LCMT1: variants seen among roughly 807,000 people sequenced by gnomAD.
The protein encoded by LCMT1 is leucine carboxyl methyltransferase 1.
LCMT1 carries 32 observed loss-of-function variants against 47.7 expected under a neutral mutation model. The observed-to-expected ratio is 0.67, with a 90% CI of 0.51 to 0.90. The LOEUF (loss-of-function observed/expected upper bound fraction) is 0.90. Ranked by LOEUF, LCMT1 falls within the 40% of genes least tolerant of loss-of-function variation. LCMT1 has a pLI of 0.00. For missense variants in LCMT1, 375 were observed against 415.2 expected (o/e 0.90, Z 0.84); for synonymous variants, 152 against 149.7 (o/e 1.02, Z -0.11).
chr16:25,118,502 T>G (rs1959869035), intron 1 of LCMT1, among the ~76,000 whole-genome samples: 1 of 152,082 alleles, frequency 6.6e-6, no homozygotes, highest in Non-Finnish European at 1.5e-5. Flanking sequence ...AGGATGCAGC[T>G]CTTATGGAGC....
intron 4 of LCMT1, among the ~76,000 whole-genome samples, chr16:25,151,012 G>T (rs934274528): frequency 7.2e-5 from 11 of 152,166 alleles, no homozygotes; most frequent in Non-Finnish European, 1.6e-4. Context: ...CAGAAAGTGT[G>T]TTGGTGTTTG....
At chr16:25,137,496 G>A (rs920533386) in intron 3 of LCMT1, among the ~76,000 whole-genome samples, 2 of 152,060 alleles carry the variant, frequency 1.3e-5, no homozygotes, top group East Asian at 1.9e-4. Context: ...CCAGGCTGGA[G>A]TGCAGTGATA....
At position 25,140,511 on chromosome 16, in the gene LCMT1, G is replaced by C. The variant is rs147636258; in HGVS notation, c.404+264G>C. ...AACACGAGGCCAACCAAATCTCCCA[G>C]ACAAGGTTTTTGTTTTTGGGGCTTG... On this transcript the variant is annotated intron_variant, in intron 4 of 10. Transcript: ENST00000399069. 3.4e-3 allele frequency: 1,520 copies of C among 445,086 alleles called. 6 individuals carry two copies. Among genetic ancestry groups the C allele is most frequent in the Non-Finnish European group, 3.7e-3 (917 of 247,658 alleles). The allele number at this position is 445,086 out of a possible 1,614,324, so 27.6% of individuals were successfully genotyped here. A position where few individuals can be genotyped will look rare whatever the true frequency, so the allele number is the denominator to read the frequency against.
intron 2 of LCMT1, 102 bp from the exon 3 acceptor site, chr16:25,132,300 C>T (rs559383490): frequency 1.2e-4 from 166 of 1,373,094 alleles, no homozygotes; most frequent in Middle Eastern, 1.9e-4. Context: ...TGCAGAAGGG[C>T]GCATGCTCTC....
At position 25,169,107 on chromosome 16, in the gene LCMT1, C is replaced by T; in HGVS notation, c.691-5C>T. On this transcript the variant is annotated splice_region_variant and splice_polypyrimidine_tract_variant and intron_variant, in intron 7 of 10. Transcript: ENST00000399069. ...GTAATATCTTACCTTCTCTTTCCCTCCTAGGTGAACATGGGTGATCGGTTT... is the reference window on the plus strand; with the variant it reads ...GTAATATCTTACCTTCTCTTTCCCTTCTAGGTGAACATGGGTGATCGGTTT... 3.1e-6 allele frequency: 5 copies of T among 1,602,558 alleles called. No individual in the cohort carries two copies. Among genetic ancestry groups the T allele is most frequent in the Non-Finnish European group, 2.6e-6 (3 of 1,170,078 alleles).
At chr16:25,149,168 T>G (rs1389739185) in intron 4 of LCMT1, 1 of 152,222 alleles carries the variant, frequency 6.6e-6, no homozygotes, top group Non-Finnish European at 1.5e-5. Context: ...CGGGGCGACA[T>G]GCAGCCCAGG....
At chr16:25,134,086 G>A (rs1346513634) in intron 3 of LCMT1, among the ~76,000 whole-genome samples, 1 of 142,814 alleles carries the variant, frequency 7.0e-6, no homozygotes, top group Admixed American at 7.0e-5. Flanking sequence ...TTGTAGGTTT[G>A]TACAGATTTT....
At chr16:25,164,984 T>C (rs1961543705) in intron 7 of LCMT1, among the ~76,000 whole-genome samples, 1 of 152,208 alleles carries the variant, frequency 6.6e-6, no homozygotes, top group South Asian at 2.1e-4. Context: ...CATGGAGTCA[T>C]AGAACATGAG....
intron 1 of LCMT1, among the ~76,000 whole-genome samples, chr16:25,118,083 G>A (rs61195064): frequency 2.0e-5 from 3 of 152,158 alleles, no homozygotes; most frequent in Non-Finnish European, 2.9e-5. Context: ...TTACCTCCCC[G>A]AAATCTGTAT....
chr16:25,115,402 T>A (rs1959755458), intron 1 of LCMT1, among the ~76,000 whole-genome samples: 1 of 152,214 alleles, frequency 6.6e-6, no homozygotes, highest in African/African-American at 2.4e-5. Flanking sequence ...TTGCCTTGAA[T>A]ACAGGTGCTA....
intron 5 of LCMT1, among the ~76,000 whole-genome samples, chr16:25,153,765 CAA>C (rs1293291106): frequency 6.6e-6 from 1 of 151,892 alleles, no homozygotes; most frequent in Non-Finnish European, 1.5e-5. Context: ...CCAGCCTGGC[CAA>C]CATGATGAAA....
At chr16:25,161,295 G>A (rs2141698116) in intron 6 of LCMT1, 91 bp downstream of exon 6, 1 of 572,822 alleles carries the variant, frequency 1.7e-6, no homozygotes, top group East Asian at 3.1e-5. Flanking sequence ...TGATATTCAT[G>A]TTCCATTTTT....
rs555961194 is a variant in LCMT1, at chr16:25,126,501, C to T, written c.114-1974C>T. Among the ~76,000 whole-genome samples the T allele has an allele frequency of 2.7e-4, 28 of 102,416 alleles. No individual in the cohort carries two copies. In the South Asian group the frequency reaches 7.3e-3, roughly 27 times the overall value. The allele number at this position is 102,416 out of a possible 152,430, so 67.2% of individuals were successfully genotyped here. ...TTCTGAGAGAGGCCTCCCCCGTGAC[C>T]GTCTTCCTCTCTACGAGTCACTGCC... On this transcript the variant is annotated intron_variant, in intron 1 of 10. Coordinates refer to ENST00000399069, the MANE Select transcript of LCMT1 (RefSeq NM_016309.3).
chr16:25,121,785 T>G (rs1959998188), intron 1 of LCMT1, among the ~76,000 whole-genome samples: 1 of 152,200 alleles, frequency 6.6e-6, no homozygotes, highest in Non-Finnish European at 1.5e-5. Flanking sequence ...TTACCTCCAC[T>G]TGGTCCTGCT....
intron 10 of LCMT1, among the ~76,000 whole-genome samples, chr16:25,177,464 CT>C (rs1431032647): frequency 9.9e-5 from 15 of 152,138 alleles, no homozygotes; most frequent in South Asian, 2.1e-4. Flanking sequence ...GCATTTCCCC[CT>C]GGCAATTAAA....
Position 25,164,826 on chromosome 16 carries a change from G to C in LCMT1, c.690+108G>C, listed in dbSNP as rs1366101213. 4 of 1,425,908 alleles carry C rather than the reference G, an allele frequency of 2.8e-6. No homozygotes were observed. In the African/African-American group the frequency reaches 5.6e-5, roughly 20 times the overall value. The allele number at this position is 1,425,908 out of a possible 1,614,324, so 88.3% of individuals were successfully genotyped here. ...CCTTATCCTTTTCCTTCTGCCTCCA[G>C]CCTCTCACATATCTCCTTTATTCAC... On this transcript the variant is annotated intron_variant, in intron 7 of 10. Transcript: ENST00000399069.
intron 3 of LCMT1, 68 bp downstream of exon 3, chr16:25,132,591 C>G (rs377347014): frequency 4.6e-6 from 7 of 1,525,372 alleles, no homozygotes; most frequent in African/African-American, 3.0e-5. Context: ...TCACCTAATT[C>G]GAAATGTAAA....
intron 3 of LCMT1, among the ~76,000 whole-genome samples, chr16:25,134,197 C>A (rs1029399569): frequency 2.6e-5 from 4 of 152,028 alleles, no homozygotes; most frequent in Non-Finnish European, 5.9e-5. Context: ...TCTGTTTTGT[C>A]CCCTAATCAG....
intron 5 of LCMT1, 130 bp from the exon 6 acceptor site, chr16:25,160,972 C>T: frequency 3.5e-6 from 2 of 564,870 alleles, no homozygotes; most frequent in Non-Finnish European, 6.1e-6. Context: ...TTAATTTTTA[C>T]CCTCCTCTTA....
Sources: allele counts gnomAD v4.1 joint callset (sites outside exome capture counted in the v4.1 genomes callset), GRCh38; gene constraint gnomAD v4.1.1; transcripts MANE v1.5; gene names NCBI Gene and HGNC (gene_info 2026-07-23, HGNC 2026-07-21).